The following CDC14A variants were observed in gnomAD, a reference collection of about 807,000 sequenced individuals.
The protein encoded by CDC14A is dual specificity protein phosphatase CDC14A.
A neutral mutation model predicts 74.4 loss-of-function variants in CDC14A; 53 were observed. The observed-to-expected ratio is 0.71, with a 90% CI of 0.57 to 0.89. The LOEUF (loss-of-function observed/expected upper bound fraction) is 0.89. CDC14A is among the 40% of genes least tolerant of loss of function. The pLI is 0.00. For synonymous variants in CDC14A, 247 were observed against 258.4 expected (o/e 0.96, Z 0.43); for missense variants, 646 against 713.7 (o/e 0.91, Z 1.08).
chr1:100,351,938 G>A (rs1651063257), upstream of CDC14A: 2 of 763,382 alleles, frequency 2.6e-6, no homozygotes, highest in Non-Finnish European at 4.3e-6. Flanking sequence ...GTTAGCTAGA[G>A]GCGAGGCAGG....
intron 4 of CDC14A, among the ~76,000 whole-genome samples, chr1:100,413,688 T>A (rs997335805): frequency 1.3e-5 from 2 of 152,202 alleles, no homozygotes; most frequent in African/African-American, 4.8e-5. Flanking sequence ...AGAAAGTTTA[T>A]GATCTTTCTT....
At chr1:100,412,663 C>T (rs1314207720) in intron 4 of CDC14A, among the ~76,000 whole-genome samples, 2 of 129,248 alleles carry the variant, frequency 1.5e-5, no homozygotes, top group African/African-American at 6.7e-5. Flanking sequence ...TTCCCAGTTA[C>T]TGCAGGGAAG....
chr1:100,437,173 G>A (rs1300002933), intron 5 of CDC14A, among the ~76,000 whole-genome samples: 15 of 152,134 alleles, frequency 9.9e-5, no homozygotes, highest in Admixed American at 9.8e-4. Flanking sequence ...GTGACAGAGT[G>A]AGACCCTGTT....
intron 4 of CDC14A, among the ~76,000 whole-genome samples, chr1:100,404,859 AAAC>A (rs1659746370): frequency 1.2e-4 from 14 of 120,988 alleles, no homozygotes; most frequent in Non-Finnish European, 1.8e-4. Context: ...AAACAAAACA[AAAC>A]AAAAAACTAA....
intron 7 of CDC14A, among the ~76,000 whole-genome samples, chr1:100,451,183 CA>C (rs1440237942): frequency 1.3e-5 from 2 of 151,994 alleles, no homozygotes; most frequent in Admixed American, 6.5e-5. Context: ...CTGCTGACTC[CA>C]AATCATCTTT....
chr1:100,499,087 A>G lies in CDC14A; in HGVS notation c.1580A>G (p.Asn527Ser), dbSNP rs765115031. Residue 527 changes from asparagine (N) to serine (S), a missense_variant, in exon 15 of 16, where the codon AAT (asparagine) becomes AGT (serine). Coordinates refer to ENST00000336454, the MANE Select transcript of CDC14A (RefSeq NM_003672.4). ...LNGSSQPTTR[N>S]YPELNNNQYN... is the part of the protein sequence containing the mutation. ...GGCAGCTCCCAGCCAACTACCAGAA[A>G]TTACCCTGAGCTCAACAATAATCAG... The G allele has an allele frequency of 6.2e-7, 1 of 1,614,182 alleles. No individual in the cohort carries two copies. The highest frequency in any genetic ancestry group is 8.5e-7 in the Non-Finnish European group (1 of 1,180,014).
intron 4 of CDC14A, among the ~76,000 whole-genome samples, chr1:100,406,407 T>C (rs9727118): frequency 6.6e-6 from 1 of 152,160 alleles, no homozygotes; most frequent in East Asian, 1.9e-4. Context: ...GTCAATTTTT[T>C]CTTTTGTTGC....
chr1:100,432,371 G>A (rs114546724), intron 5 of CDC14A, among the ~76,000 whole-genome samples: 70 of 152,276 alleles, frequency 4.6e-4, no homozygotes, highest in African/African-American at 1.4e-3. Flanking sequence ...TGAAGTATAC[G>A]GACAATATAG....
chr1:100,401,078 A>G (rs1302383838), intron 4 of CDC14A, among the ~76,000 whole-genome samples: 1 of 152,202 alleles, frequency 6.6e-6, no homozygotes, highest in Non-Finnish European at 1.5e-5. Flanking sequence ...TTGGAATAAC[A>G]TATACTTTCT....
intron 15 of CDC14A, among the ~76,000 whole-genome samples, chr1:100,501,369 G>A (rs112064315): frequency 2.7e-4 from 41 of 152,236 alleles, no homozygotes; most frequent in African/African-American, 9.1e-4. Flanking sequence ...GCCTAATGAT[G>A]TTTTGGTCAA....
intron 4 of CDC14A, among the ~76,000 whole-genome samples, chr1:100,407,395 TCTC>T: frequency 6.6e-6 from 1 of 152,252 alleles, no homozygotes; most frequent in Admixed American, 6.5e-5. Flanking sequence ...GGTTTGTAGT[TCTC>T]CTTGAAAAGA....
intron 3 of CDC14A, among the ~76,000 whole-genome samples, chr1:100,379,952 A>G (rs1229123918): frequency 1.3e-5 from 2 of 152,220 alleles, no homozygotes; most frequent in Non-Finnish European, 2.9e-5. Context: ...CGAGCCGTTC[A>G]TGAGGGATCT....
intron 11 of CDC14A, among the ~76,000 whole-genome samples, chr1:100,490,535 C>G (rs1670501614): frequency 6.6e-6 from 1 of 152,106 alleles, no homozygotes; most frequent in African/African-American, 2.4e-5. Flanking sequence ...TCTTCCCTCT[C>G]CCCAAGTCTG....
intron 11 of CDC14A, among the ~76,000 whole-genome samples, chr1:100,490,763 C>CAATATGGGA (rs1197709081): frequency 1.3e-5 from 2 of 152,010 alleles, no homozygotes; most frequent in Admixed American, 1.3e-4. Flanking sequence ...ACAAATAAAA[C>CAATATGGGA]AATATGGGAA....
intron 4 of CDC14A, among the ~76,000 whole-genome samples, chr1:100,403,360 C>A (rs113591309): frequency 6.5e-4 from 99 of 152,288 alleles, no homozygotes; most frequent in African/African-American, 1.7e-3. Context: ...TGGGTTGTAA[C>A]CTGCAGACTG....
chr1:100,353,110 G>C, intron 1 of CDC14A, 107 bp downstream of exon 1: 1 of 1,228,662 alleles, frequency 8.1e-7, no homozygotes, highest in Non-Finnish European at 1.2e-6. Flanking sequence ...TCCTGCAGCC[G>C]CTGCGCGCGC....
intron 15 of CDC14A, among the ~76,000 whole-genome samples, chr1:100,513,133 A>G (rs1291076357): frequency 2.0e-5 from 3 of 152,184 alleles, no homozygotes; most frequent in African/African-American, 4.8e-5. Flanking sequence ...TTTATGTGTT[A>G]ATTTGTGAGC....
chr1:100,411,736 G>C (rs1660741949), intron 4 of CDC14A, among the ~76,000 whole-genome samples: 1 of 152,198 alleles, frequency 6.6e-6, no homozygotes, highest in Non-Finnish European at 1.5e-5. Context: ...ACCTGGGCCA[G>C]ACACCCCTTC....
At chr1:100,422,235 C>G (rs1320320182) in intron 4 of CDC14A, among the ~76,000 whole-genome samples, 1 of 152,188 alleles carries the variant, frequency 6.6e-6, no homozygotes, top group Non-Finnish European at 1.5e-5. Flanking sequence ...GGTAGCCAAT[C>G]TAAAGAAGCA....
Sources: gnomAD v4.1 joint callset for allele counts (sites outside exome capture counted in the v4.1 genomes callset) on GRCh38, gnomAD v4.1.1 for gene constraint, MANE v1.5 for transcripts, NCBI Gene and HGNC (gene_info 2026-07-23, HGNC 2026-07-21) for gene names.